Variants in RANBP3 observed in about 807,000 individuals in gnomAD.
RANBP3 encodes ran-binding protein 3.
RANBP3 carries 14 observed loss-of-function variants against 77.3 expected under a neutral mutation model. The observed-to-expected ratio is 0.18, with a 90% confidence interval of 0.12 to 0.28. RANBP3 has a LOEUF of 0.28. Ranked by LOEUF, RANBP3 falls within the 10% of genes least tolerant of loss-of-function variation. The pLI is 1.00. For synonymous variants in RANBP3, 315 were observed against 312.4 expected (o/e 1.01, Z -0.09); for missense variants, 586 against 752.3 (o/e 0.78, Z 2.59).
At chr19:5,938,639 C>G (rs999891933) in intron 5 of RANBP3, among the ~76,000 whole-genome samples, 1 of 152,046 alleles carries the variant, frequency 6.6e-6, no homozygotes, top group African/African-American at 2.4e-5. Flanking sequence ...TTGCAGTGAG[C>G]CAAGATCGCC....
In RANBP3 at chr19:5,927,896, C is replaced by T. The variant is rs545057325; in HGVS notation, c.813+72G>A. ...TCCCCTCCCCTGTTAAAAGGAAAAT[C>T]TACCTACTTGCCTGCTGTTGAACCT... On this transcript the variant is annotated intron_variant, in intron 9 of 16. Transcript: ENST00000340578. 5.2e-6 allele frequency: 8 copies of T among 1,534,052 alleles called. No homozygotes were observed. In the Admixed American group the frequency reaches 1.0e-4, roughly 20 times the overall value.
At chr19:5,970,497 C>A (rs1568483341) in intron 1 of RANBP3, among the ~76,000 whole-genome samples, 1 of 152,094 alleles carries the variant, frequency 6.6e-6, no homozygotes, top group Admixed American at 6.6e-5. Flanking sequence ...TAAGGGGACA[C>A]TGGACAGTGT....
chr19:5,955,475 T>C (rs72991018), intron 2 of RANBP3, among the ~76,000 whole-genome samples: 10 of 152,342 alleles, frequency 6.6e-5, no homozygotes, highest in Non-Finnish European at 1.3e-4. Context: ...GTAATTGGCA[T>C]AGACCCCTTG....
intron 14 of RANBP3, among the ~76,000 whole-genome samples, chr19:5,920,225 G>C (rs111934168): frequency 6.6e-6 from 1 of 152,204 alleles, no homozygotes; most frequent in African/African-American, 2.4e-5. Context: ...AGGGAGACCT[G>C]TCTTTATAAA....
At chr19:5,929,295 G>A (rs2057955794) in intron 8 of RANBP3, among the ~76,000 whole-genome samples, 1 of 152,248 alleles carries the variant, frequency 6.6e-6, no homozygotes, top group African/African-American at 2.4e-5. Context: ...CGACCTGGAA[G>A]TCCTCAGAGG....
intron 7 of RANBP3, among the ~76,000 whole-genome samples, chr19:5,932,171 A>G (rs952400082): frequency 8.5e-5 from 13 of 152,242 alleles, no homozygotes; most frequent in African/African-American, 3.1e-4. Context: ...GCTTTTATGA[A>G]GACAGTGAAT....
intron 9 of RANBP3, among the ~76,000 whole-genome samples, chr19:5,927,100 C>G (rs1289976138): frequency 6.6e-6 from 1 of 152,104 alleles, no homozygotes; most frequent in Non-Finnish European, 1.5e-5. Context: ...CCACCGATAC[C>G]GCCTCTCGAG....
At chr19:5,931,615 G>A (rs986721606) in intron 7 of RANBP3, 84 bp from the exon 8 acceptor site, 12 of 1,458,784 alleles carry the variant, frequency 8.2e-6, no homozygotes, top group South Asian at 3.9e-5. Flanking sequence ...GCTGGGCCAC[G>A]TCTAGTCTAG....
chr19:5,964,899 G>A (rs2058448499), intron 1 of RANBP3, among the ~76,000 whole-genome samples: 1 of 146,694 alleles, frequency 6.8e-6, no homozygotes, highest in African/African-American at 2.5e-5. Context: ...CCTTCCCTGG[G>A]GTCTGAGGTC....
chr19:5,919,526 C>A (rs2057789850), intron 14 of RANBP3, among the ~76,000 whole-genome samples: 2 of 152,222 alleles, frequency 1.3e-5, no homozygotes, highest in Admixed American at 1.3e-4. Flanking sequence ...GAGGGGATGA[C>A]CTGGGGGCTC....
Position 5,958,782 on chromosome 19 carries a change from C to A in RANBP3, c.23-809G>T, listed in dbSNP as rs1351571233. On this transcript the variant is annotated intron_variant, in intron 1 of 16. Transcript: ENST00000340578. The surrounding 1 kb of genome is among the most constrained non-coding windows in gnomAD (Gnocchi z 4.4). ...TGCCTCATGGCCTTGGGCCTGCATGCACTTTGATGAACTCTGGGGGTGCTC... is the reference window on the plus strand; with the variant it reads ...TGCCTCATGGCCTTGGGCCTGCATGAACTTTGATGAACTCTGGGGGTGCTC... Among the ~76,000 whole-genome samples, 2 of 152,264 alleles carry A rather than the reference C, an allele frequency of 1.3e-5. No individual in the cohort carries two copies. The highest frequency in any genetic ancestry group is 2.9e-5 in the Non-Finnish European group (2 of 68,048).
chr19:5,931,366 C>A, intron 8 of RANBP3, 38 bp downstream of exon 8: 1 of 1,580,966 alleles, frequency 6.3e-7, no homozygotes, highest in Non-Finnish European at 8.6e-7. Flanking sequence ...CCCAAGGGGC[C>A]TAGCATGCAG....
In RANBP3 at chr19:5,924,330, T is replaced by C. The variant is rs150627588; in HGVS notation, c.997-416A>G. Among the ~76,000 whole-genome samples, 93 of 152,178 alleles carry C rather than the reference T, an allele frequency of 6.1e-4. 1 individual carries two copies. Among genetic ancestry groups the C allele is most frequent in the African/African-American group, 2.2e-3 (90 of 41,522 alleles). ...GTGGAATCAGGAAGAAAAAGGAACATGTGTAAAGAGGTAGGCAAACCATTC... is the reference window on the plus strand; with the variant it reads ...GTGGAATCAGGAAGAAAAAGGAACACGTGTAAAGAGGTAGGCAAACCATTC... On this transcript the variant is annotated intron_variant, in intron 11 of 16. Transcript: ENST00000340578. The surrounding 1 kb of genome is among the most constrained non-coding windows in gnomAD (Gnocchi z 4.7).
rs759190932 is a variant in RANBP3 at position 5,978,044 on chromosome 19, A to G, written c.22+17T>C. 7.5e-6 allele frequency: 12 copies of G among 1,609,374 alleles called. No individual in the cohort carries two copies. Among genetic ancestry groups the G allele is most frequent in the Admixed American group, 6.7e-5 (4 of 59,650 alleles). ...GTTCCCCGGCCGCCAGCCGGTCCCC[A>G]ACGGCGCCTCCCCTACCTTCGTTCG... is the stretch of plus-strand genomic sequence containing the variant. On this transcript the variant is annotated intron_variant, in intron 1 of 16. Transcript: ENST00000340578.
Position 5,951,507 on chromosome 19 carries a change from C to T in RANBP3, c.168G>A (p.Glu56=). The change falls in exon 3 of 17, where the codon GAG becomes GAA. Residue 56 remains glutamate, a synonymous_variant. Coordinates refer to ENST00000340578, the MANE Select transcript of RANBP3 (RefSeq NM_007322.3). The part of the protein sequence containing the change: ...EAPHHGTGHP[E]SAGEHALEPP... ...GTTCTAGGGCATGCTCGCCAGCTGA[C>T]TCGGGGTGACCCGTGCCATGGTGGG... The T allele has an allele frequency of 6.2e-7, 1 of 1,611,556 alleles. No homozygotes were observed. Among genetic ancestry groups the T allele is most frequent in the Non-Finnish European group, 8.5e-7 (1 of 1,178,600 alleles).
intron 10 of RANBP3, 156 bp downstream of exon 10, chr19:5,925,478 T>A: frequency 1.5e-6 from 1 of 655,570 alleles, no homozygotes. Context: ...CCACCCAAGG[T>A]TGTGCCCAGA....
At chr19:5,933,383 AC>A (rs747523295) in intron 6 of RANBP3, 30 bp downstream of exon 6, 22 of 1,575,374 alleles carry the variant, frequency 1.4e-5, no homozygotes, top group South Asian at 1.2e-5. Flanking sequence ...TCAGAGAGCC[AC>A]CCCCCGCCCC....
intron 2 of RANBP3, among the ~76,000 whole-genome samples, chr19:5,956,904 C>T (rs1485334668): frequency 6.6e-6 from 1 of 152,230 alleles, no homozygotes; most frequent in African/African-American, 2.4e-5. Flanking sequence ...ATGCAGACAT[C>T]CTCAAAATGC....
intron 1 of RANBP3, among the ~76,000 whole-genome samples, chr19:5,969,071 G>T (rs1321801610): frequency 6.6e-6 from 1 of 152,190 alleles, no homozygotes; most frequent in Non-Finnish European, 1.5e-5. Context: ...CAAGTCAAAG[G>T]TTCTAAGGAA....
Sources: gnomAD v4.1 joint callset for allele counts (sites outside exome capture counted in the v4.1 genomes callset) on GRCh38, gnomAD v4.1.1 for gene constraint, Gnocchi (gnomAD v3.1) non-coding constraint, MANE v1.5 for transcripts, NCBI Gene and HGNC (gene_info 2026-07-23, HGNC 2026-07-21) for gene names.